Variants in BRD10 observed in about 807,000 individuals in gnomAD.
BRD10 encodes bromodomain containing 10.
chr9:5,939,540 G>C, the BRD10 span, among the ~76,000 whole-genome samples: 1 of 152,192 alleles, frequency 6.6e-6, no homozygotes, highest in Non-Finnish European at 1.5e-5. Flanking sequence ...GTTCCATCAA[G>C]TACAAGTCTT....
chr9:5,992,696 C>A, the BRD10 span, among the ~76,000 whole-genome samples: 1 of 134,292 alleles, frequency 7.4e-6, no homozygotes, highest in African/African-American at 2.7e-5. Flanking sequence ...TTGAGTTTTA[C>A]GTTTACTTTC....
At chr9:5,989,049 G>C in the BRD10 span, among the ~76,000 whole-genome samples, 1 of 151,896 alleles carries the variant, frequency 6.6e-6, no homozygotes, top group African/African-American at 2.4e-5. Flanking sequence ...TGACCAACAC[G>C]GAGAAGCCCT....
chr9:5,929,263 G>A, the BRD10 span: 4 of 582,400 alleles, frequency 6.9e-6, no homozygotes, highest in South Asian at 2.6e-5. Flanking sequence ...CCATAAAAAC[G>A]TATTTCTTCT....
chr9:5,992,560 G>T, the BRD10 span, among the ~76,000 whole-genome samples: 5 of 151,892 alleles, frequency 3.3e-5, no homozygotes, highest in Admixed American at 3.3e-4. Context: ...TAGCTCTCCC[G>T]TTGCAAAAAT....
the BRD10 span, among the ~76,000 whole-genome samples, chr9:5,975,439 C>CAA: frequency 1.2e-3 from 71 of 61,240 alleles, 1 homozygote; most frequent in African/African-American, 4.1e-3. Context: ...AACTCCATCT[C>CAA]AAAAAAAAAA....
the BRD10 span, among the ~76,000 whole-genome samples, chr9:5,892,756 T>C: frequency 1.3e-5 from 2 of 152,166 alleles, no homozygotes; most frequent in African/African-American, 4.8e-5. Context: ...GGCAGGAAGA[T>C]GGGAATGGTA....
chr9:5,997,166 C>T, the BRD10 span, among the ~76,000 whole-genome samples: 1 of 152,308 alleles, frequency 6.6e-6, no homozygotes, highest in Admixed American at 6.5e-5. Flanking sequence ...GATATAGGGA[C>T]TTGGCAAGAG....
chr9:5,920,087 A>G, the BRD10 span: 7 of 1,613,838 alleles, frequency 4.3e-6, no homozygotes, highest in South Asian at 4.4e-5. Flanking sequence ...TGCATTCCCA[A>G]AAGAGTTTAT....
the BRD10 span, among the ~76,000 whole-genome samples, chr9:5,889,658 A>G: frequency 6.6e-6 from 1 of 151,880 alleles, no homozygotes; most frequent in Non-Finnish European, 1.5e-5. Flanking sequence ...GGTGGCGTGC[A>G]CCTGTAGTCC....
chr9:5,929,408 A>C, the BRD10 span, among the ~76,000 whole-genome samples: 1 of 152,224 alleles, frequency 6.6e-6, no homozygotes, highest in Non-Finnish European at 1.5e-5. Flanking sequence ...AAATGTTTTA[A>C]AATTGCATCA....
the BRD10 span, chr9:5,920,906 T>C: frequency 3.7e-6 from 6 of 1,613,876 alleles, no homozygotes; most frequent in African/African-American, 6.7e-5. Context: ...GCAAAGTCTA[T>C]TTGACAAAAT....
At chr9:5,969,556 T>TTATG in the BRD10 span, 9 of 722,776 alleles carry the variant, frequency 1.2e-5, no homozygotes, top group East Asian at 2.0e-4. Flanking sequence ...ATTTATTTAT[T>TTATG]TATTTGAGAC....
At chr9:5,991,014 T>C in the BRD10 span, among the ~76,000 whole-genome samples, 10 of 152,324 alleles carry the variant, frequency 6.6e-5, no homozygotes, top group African/African-American at 1.9e-4. Flanking sequence ...CATTACAACA[T>C]GGAAGAGCAT....
the BRD10 span, among the ~76,000 whole-genome samples, chr9:5,941,852 T>C: frequency 6.6e-6 from 1 of 152,168 alleles, no homozygotes; most frequent in Non-Finnish European, 1.5e-5. Context: ...TCTTCCCTGC[T>C]GCTTTTCTAC....
the BRD10 span, among the ~76,000 whole-genome samples, chr9:5,886,988 G>C: frequency 6.6e-6 from 1 of 152,180 alleles, no homozygotes; most frequent in Non-Finnish European, 1.5e-5. Context: ...GCCAGGTGCA[G>C]TGGGTCGCGT....
At chr9:5,921,447 T>C in the BRD10 span, 6 of 1,613,984 alleles carry the variant, frequency 3.7e-6, no homozygotes, top group Admixed American at 6.7e-5. Context: ...GGGGTTGATG[T>C]ACCACTAGGA....
At chr9:5,897,467 T>A in the BRD10 span, 2 of 1,230,576 alleles carry the variant, frequency 1.6e-6, no homozygotes, top group Admixed American at 3.4e-5. Context: ...GTCGTCAAAG[T>A]CCATATGAAG....
the BRD10 span, among the ~76,000 whole-genome samples, chr9:5,895,916 G>T: frequency 6.6e-6 from 1 of 152,356 alleles, no homozygotes; most frequent in Non-Finnish European, 1.5e-5. Context: ...AGCTCTGACT[G>T]TGTCAAGATA....
At chr9:5,996,929 A>T in the BRD10 span, among the ~76,000 whole-genome samples, 1 of 152,188 alleles carries the variant, frequency 6.6e-6, no homozygotes, top group Non-Finnish European at 1.5e-5. Flanking sequence ...TGTTCCCTAG[A>T]AGATGCTAAA....
Sources: gnomAD v4.1 joint callset for allele counts (sites outside exome capture counted in the v4.1 genomes callset) on GRCh38, gnomAD v4.1.1 for gene constraint, MANE v1.5 for transcripts, NCBI Gene and HGNC (gene_info 2026-07-23, HGNC 2026-07-21) for gene names.